SLC1A3: variants seen among roughly 807,000 people sequenced by gnomAD.
SLC1A3 encodes solute carrier family 1 member 3, also known as excitatory amino acid transporter 1.
In SLC1A3, 21 loss-of-function variants were observed where a neutral mutation model predicts 48.1. The observed-to-expected ratio is 0.44, with a 90% CI of 0.31 to 0.63. The LOEUF is 0.63. SLC1A3 is among the 20% of genes least tolerant of loss of function. The pLI is 0.08. For synonymous variants in SLC1A3, 239 were observed against 251.4 expected (o/e 0.95, Z 0.47); for missense variants, 546 against 689.0 (o/e 0.79, Z 2.32).
chr5:36,666,601 T>C (rs560922121), intron 3 of SLC1A3: 2 of 152,352 alleles, frequency 1.3e-5, no homozygotes, highest in African/African-American at 4.8e-5. Context: ...GGGAGTACAC[T>C]GATACATGTT....
At chr5:36,598,546 T>G (rs543911155) in intron 1 of SLC1A3, among the ~76,000 whole-genome samples, 4 of 152,326 alleles carry the variant, frequency 2.6e-5, no homozygotes, top group African/African-American at 9.6e-5. Context: ...AGCAATCACT[T>G]TCTAACAGTG....
In SLC1A3 at chr5:36,683,879, T is replaced by C; in HGVS notation, c.1305T>C (p.Ala435=). 6.2e-7 allele frequency: 1 copy of C among 1,614,260 alleles called. No homozygotes were observed. Among genetic ancestry groups the C allele is most frequent in the Non-Finnish European group, 8.5e-7 (1 of 1,180,046 alleles). Residue 435 remains alanine (A), a synonymous_variant, in exon 9 of 10, where the codon GCT becomes GCC. Transcript: ENST00000265113. Reference sequence around the variant, plus strand: ...CTGTTAACAGCATCACAGCCACAGCTGCCAGTATTGGGGCAGCTGGAATTC... The same window carrying C: ...CTGTTAACAGCATCACAGCCACAGCCGCCAGTATTGGGGCAGCTGGAATTC... ...QIITISITAT[A]ASIGAAGIPQ... is the part of the protein sequence containing the mutation.
upstream of SLC1A3, among the ~76,000 whole-genome samples, chr5:36,603,040 C>G (rs1343564378): frequency 6.6e-6 from 1 of 152,204 alleles, no homozygotes; most frequent in East Asian, 1.9e-4. Context: ...GACTTCCTAA[C>G]CCAAGTCTTA....
At chr5:36,598,853 C>G (rs1443176461) in intron 1 of SLC1A3, among the ~76,000 whole-genome samples, 2 of 152,128 alleles carry the variant, frequency 1.3e-5, no homozygotes, top group Admixed American at 1.3e-4. Flanking sequence ...ATCTCAAACT[C>G]CTGCACTCAA....
chr5:36,629,250 T>C (rs893896747), intron 2 of SLC1A3, among the ~76,000 whole-genome samples, 200 bp from the exon 3 acceptor site: 1 of 152,132 alleles, frequency 6.6e-6, no homozygotes, highest in Admixed American at 6.5e-5. Flanking sequence ...ATAAGTTCTA[T>C]TGAACCACGG....
chr5:36,600,476 T>C (rs537247209), intron 1 of SLC1A3, among the ~76,000 whole-genome samples: 2 of 152,316 alleles, frequency 1.3e-5, no homozygotes, highest in South Asian at 2.1e-4. Context: ...CTGTTGATTA[T>C]TAAGCGATTT....
At chr5:36,623,527 A>T (rs1376365714) in intron 2 of SLC1A3, among the ~76,000 whole-genome samples, 4 of 152,086 alleles carry the variant, frequency 2.6e-5, no homozygotes, top group African/African-American at 9.7e-5. Context: ...AATGAAGCTC[A>T]GTTTTGCAAA....
chr5:36,645,314 G>A (rs379979), intron 3 of SLC1A3, among the ~76,000 whole-genome samples: 93,113 of 112,750 alleles, frequency 0.83, 39,482 homozygotes, highest in Non-Finnish European at 0.91. Context: ...ACTGACTTCC[G>A]CTGCCTTTTT....
intron 3 of SLC1A3, among the ~76,000 whole-genome samples, chr5:36,647,870 A>G (rs1414443445): frequency 6.6e-6 from 1 of 152,190 alleles, no homozygotes; most frequent in Non-Finnish European, 1.5e-5. Flanking sequence ...TTTTATCACA[A>G]TTTGCCACAC....
Position 36,679,769 on chromosome 5 carries a change from C to T in SLC1A3, c.1003C>T (p.Leu335Phe), listed in dbSNP as rs748053114. The T allele has an allele frequency of 6.2e-6, 10 of 1,614,056 alleles. No individual in the cohort carries two copies. The Admixed American group carries it at 1.7e-4, about 27-fold the overall frequency. Residue 335 changes from leucine (L) to phenylalanine (F), a missense_variant, in exon 7 of 10, where the codon CTC becomes TTC. Coordinates refer to ENST00000265113, the MANE Select transcript of SLC1A3 (RefSeq NM_004172.5). ...CATTCACGCAGTCATCGTCTTGCCA[C>T]TCCTCTACTTCTTGGTAACACGGAA... ...LLIHAVIVLP[L>F]LYFLVTRKNP... is the part of the protein sequence containing the mutation.
chr5:36,633,659 G>A (rs897738662), intron 3 of SLC1A3, among the ~76,000 whole-genome samples: 3 of 152,072 alleles, frequency 2.0e-5, no homozygotes, highest in African/African-American at 7.2e-5. Context: ...GATAAGACTC[G>A]TTCTCTGTAC....
At chr5:36,602,613 T>G (rs1738820637), upstream of SLC1A3, among the ~76,000 whole-genome samples, 1 of 152,192 alleles carries the variant, frequency 6.6e-6, no homozygotes, top group Non-Finnish European at 1.5e-5. Flanking sequence ...CTCTTTAGCT[T>G]TAGAATGGAG....
chr5:36,634,143 G>A (rs559838623), intron 3 of SLC1A3, among the ~76,000 whole-genome samples: 16 of 152,218 alleles, frequency 1.1e-4, no homozygotes, highest in African/African-American at 3.9e-4. Context: ...AGGAGTGGTG[G>A]CGTGTGCCTG....
intron 3 of SLC1A3, among the ~76,000 whole-genome samples, chr5:36,660,882 T>C (rs1489364107): frequency 6.6e-6 from 1 of 152,220 alleles, no homozygotes; most frequent in African/African-American, 2.4e-5. Flanking sequence ...TTTTTCTCCA[T>C]CCCATCTTCC....
rs1561235220 is a variant in SLC1A3 at position 36,608,579 on chromosome 5, G to A, written c.156G>A (p.Leu52=). The change falls in exon 2 of 10, where the codon CTG becomes CTA. Residue 52 remains leucine (L), a synonymous_variant. Transcript: ENST00000265113. ...ACCTGTTTCGGAATGCTTTTGTGCTGCTCACAGTCACCGCTGTCATTGTGG... is the reference window on the plus strand; with the variant it reads ...ACCTGTTTCGGAATGCTTTTGTGCTACTCACAGTCACCGCTGTCATTGTGG... The part of the protein sequence containing the change: ...KSYLFRNAFV[L]LTVTAVIVGT... 1.2e-6 allele frequency: 2 copies of A among 1,613,856 alleles called. No homozygotes were observed. Among genetic ancestry groups the A allele is most frequent in the African/African-American group, 1.3e-5 (1 of 75,008 alleles).
At chr5:36,670,777 T>C (rs1329426904) in intron 3 of SLC1A3, 2 of 554,086 alleles carry the variant, frequency 3.6e-6, no homozygotes, top group Non-Finnish European at 6.5e-6. Flanking sequence ...GATTTGGCCA[T>C]GTGAAATCAA....
At chr5:36,639,516 A>G (rs1740528768) in intron 3 of SLC1A3, among the ~76,000 whole-genome samples, 1 of 152,256 alleles carries the variant, frequency 6.6e-6, no homozygotes, top group South Asian at 2.1e-4. Context: ...CTTTCAAATA[A>G]TTCTGCAGTA....
At chr5:36,636,364 C>T (rs186358508) in intron 3 of SLC1A3, 5 of 152,260 alleles carry the variant, frequency 3.3e-5, no homozygotes, top group African/African-American at 7.2e-5. Context: ...ACGATGCACC[C>T]GTCTCTTGCC....
intron 2 of SLC1A3, among the ~76,000 whole-genome samples, chr5:36,622,268 C>A (rs1481076303): frequency 6.6e-6 from 1 of 152,168 alleles, no homozygotes; most frequent in African/African-American, 2.4e-5. Context: ...AGATCATTGT[C>A]TCTATTGCTT....
Sources: allele counts gnomAD v4.1 joint callset (sites outside exome capture counted in the v4.1 genomes callset), GRCh38; gene constraint gnomAD v4.1.1; transcripts MANE v1.5; gene names NCBI Gene and HGNC (gene_info 2026-07-23, HGNC 2026-07-21).